Variants in DAB1 observed in about 807,000 individuals in gnomAD.
The protein encoded by DAB1 is DAB adaptor protein 1, also known as disabled homolog 1.
In DAB1, 15 loss-of-function variants were observed where a neutral mutation model predicts 64.6. The observed-to-expected ratio is 0.23, with a 90% CI of 0.16 to 0.36. The LOEUF is 0.36. DAB1 is among the 10% of genes least tolerant of loss of function. The pLI, the probability that DAB1 is intolerant of heterozygous loss-of-function variation, is 1.00. For synonymous variants in DAB1, 235 were observed against 251.9 expected (o/e 0.93, Z 0.64); for missense variants, 596 against 706.7 (o/e 0.84, Z 1.78).
chr1:58,262,719 T>G (rs931768458), intron 4 of DAB1, among the ~76,000 whole-genome samples: 5 of 152,262 alleles, frequency 3.3e-5, no homozygotes, highest in Admixed American at 2.6e-4. Context: ...TTCTCATTTT[T>G]GGCACGTTAG....
At chr1:57,458,943 T>A (rs1313274566) in intron 7 of DAB1, among the ~76,000 whole-genome samples, 1 of 152,094 alleles carries the variant, frequency 6.6e-6, no homozygotes, top group African/African-American at 2.4e-5. Context: ...TATAGTTATT[T>A]TGAATTTTAA....
At chr1:57,055,380 A>G (rs778262625) in intron 9 of DAB1, among the ~76,000 whole-genome samples, 2 of 152,182 alleles carry the variant, frequency 1.3e-5, no homozygotes, top group Non-Finnish European at 2.9e-5. Flanking sequence ...AAGCATCCAA[A>G]TGTGTTATTT....
chr1:57,742,269 G>C (rs991449029), intron 6 of DAB1, among the ~76,000 whole-genome samples: 2 of 152,114 alleles, frequency 1.3e-5, no homozygotes, highest in African/African-American at 2.4e-5. Flanking sequence ...CAAGGCGCAG[G>C]CAGCAGCAGA....
In DAB1 at chr1:57,735,360, C is replaced by T. The variant is rs562532637; in HGVS notation, n.552-85695G>A. On this transcript the variant is annotated intron_variant and non_coding_transcript_variant, in intron 6 of 20. Coordinates refer to the DAB1 transcript ENST00000485760. ...ATAATTCCTGCCCCTGCCTATCTCA[C>T]TGGAGGTTTGAAGTTTCAATGAAAA... is the stretch of plus-strand genomic sequence containing the variant. 2.6e-5 allele frequency among the ~76,000 whole-genome samples: 4 copies of T among 152,272 alleles called. No individual in the cohort carries two copies. The East Asian group carries it at 7.7e-4, about 29-fold the overall frequency.
intron 5 of DAB1, among the ~76,000 whole-genome samples, chr1:58,130,231 T>C (rs1653445630): frequency 6.8e-6 from 1 of 146,380 alleles, no homozygotes; most frequent in Non-Finnish European, 1.5e-5. Context: ...TTGTCTCTTT[T>C]GATCTTTGTT....
chr1:57,176,823 A>G lies in DAB1; in HGVS notation c.68-31394T>C, dbSNP rs373572407. Among the ~76,000 whole-genome samples, 10 of 152,188 alleles carry G rather than the reference A, an allele frequency of 6.6e-5. No individual in the cohort carries two copies. In the East Asian group the frequency reaches 1.9e-3, roughly 30 times the overall value. ...CTCCAAGTAATAAGGTCACAGGGGC[A>G]GGATGAGGAAGCGGTTTATCTATCT... On this transcript the variant is annotated intron_variant, in intron 2 of 14. Transcript: ENST00000371236.
chr1:58,212,742 A>T (rs1322557349), intron 4 of DAB1, among the ~76,000 whole-genome samples: 4 of 152,186 alleles, frequency 2.6e-5, no homozygotes, highest in African/African-American at 9.6e-5. Context: ...ACCCCTAATT[A>T]GGAGAAAAAC....
chr1:57,923,486 A>G (rs1644838555), intron 5 of DAB1, among the ~76,000 whole-genome samples: 5 of 152,178 alleles, frequency 3.3e-5, no homozygotes, highest in Admixed American at 3.3e-4. Flanking sequence ...GTAGTCCTGT[A>G]TCTATTACTG....
At chr1:57,986,993 AGCTTGTAAGG>A (rs1475238392) in intron 5 of DAB1, among the ~76,000 whole-genome samples, 1 of 152,222 alleles carries the variant, frequency 6.6e-6, no homozygotes, top group Non-Finnish European at 1.5e-5. Context: ...AAGGTCACTC[AGCTTGTAAGG>A]GGTAGTGCTG....
intron 4 of DAB1, chr1:58,150,659 G>A (rs1051180665): frequency 6.6e-6 from 1 of 150,528 alleles, no homozygotes; most frequent in African/African-American, 2.4e-5. Context: ...CTCAAGGTAG[G>A]TTCCACTAAG....
intron 7 of DAB1, among the ~76,000 whole-genome samples, chr1:57,467,382 G>A (rs1270219166): frequency 6.6e-6 from 1 of 152,090 alleles, no homozygotes; most frequent in Non-Finnish European, 1.5e-5. Context: ...CTACTCAACT[G>A]AGGTCCACAG....
intron 5 of DAB1, among the ~76,000 whole-genome samples, chr1:57,908,832 G>C (rs1192839061): frequency 6.6e-6 from 1 of 152,182 alleles, no homozygotes; most frequent in Non-Finnish European, 1.5e-5. Context: ...GAGGCATATG[G>C]TTTAGATTCG....
intron 7 of DAB1, among the ~76,000 whole-genome samples, chr1:57,570,009 G>A (rs1487124915): frequency 6.6e-6 from 1 of 152,146 alleles, no homozygotes; most frequent in African/African-American, 2.4e-5. Context: ...GTGGGCTTGT[G>A]ATGGTAATAC....
intron 5 of DAB1, among the ~76,000 whole-genome samples, chr1:58,072,090 G>GT (rs1553157703): frequency 1.6e-5 from 2 of 125,036 alleles, no homozygotes; most frequent in Non-Finnish European, 3.4e-5. Flanking sequence ...TGGGGTGGGG[G>GT]GGGGTGGGTA....
chr1:57,254,453 C>T (rs1369573678), intron 2 of DAB1, among the ~76,000 whole-genome samples: 1 of 152,188 alleles, frequency 6.6e-6, no homozygotes, highest in Non-Finnish European at 1.5e-5. Context: ...TGTGAAATGC[C>T]TTTATCACAT....
At chr1:58,395,013 G>A (rs1212361341) in intron 3 of DAB1, among the ~76,000 whole-genome samples, 3 of 151,594 alleles carry the variant, frequency 2.0e-5, no homozygotes, top group African/African-American at 7.3e-5. Flanking sequence ...AGTCAGAATG[G>A]AGGAGTCATG....
chr1:57,004,826 GAT>G (rs1370208453), intron 14 of DAB1, among the ~76,000 whole-genome samples: 3 of 152,130 alleles, frequency 2.0e-5, no homozygotes, highest in African/African-American at 7.2e-5. Flanking sequence ...CCTAACTTCC[GAT>G]ATGAACTTAG....
intron 7 of DAB1, among the ~76,000 whole-genome samples, chr1:57,560,243 T>C (rs1027766793): frequency 6.6e-6 from 1 of 152,238 alleles, no homozygotes; most frequent in African/African-American, 2.4e-5. Context: ...ATAATCTTAT[T>C]CAGAGAGAGC....
At chr1:57,905,302 C>T (rs1234476731) in intron 5 of DAB1, among the ~76,000 whole-genome samples, 8 of 151,844 alleles carry the variant, frequency 5.3e-5, no homozygotes, top group African/African-American at 1.7e-4. Context: ...GAGCAGAGGG[C>T]GTTGGTGCAA....
Sources: allele counts gnomAD v4.1 joint callset (sites outside exome capture counted in the v4.1 genomes callset), GRCh38; gene constraint gnomAD v4.1.1; transcripts MANE v1.5; gene names NCBI Gene and HGNC (gene_info 2026-07-23, HGNC 2026-07-21).